VTI1A: variants seen among roughly 807,000 people sequenced by gnomAD.
VTI1A encodes the protein vesicle transport through interaction with t-SNAREs 1A.
Under a neutral mutation model 34.9 loss-of-function variants are expected in VTI1A, and 22 were observed. The observed-to-expected ratio is 0.63, with a 90% CI of 0.45 to 0.90. The LOEUF (loss-of-function observed/expected upper bound fraction) is 0.90. Among genes scored for constraint, VTI1A ranks in the 40% least tolerant of loss-of-function variants. VTI1A has a pLI of 0.00. For missense variants in VTI1A, 268 were observed against 275.6 expected (o/e 0.97, Z 0.20); for synonymous variants, 87 against 97.3 (o/e 0.89, Z 0.62).
intron 7 of VTI1A, among the ~76,000 whole-genome samples, chr10:112,673,461 T>TGA (rs1554938715): frequency 8.4e-5 from 4 of 47,694 alleles, no homozygotes; most frequent in Non-Finnish European, 1.6e-4. Flanking sequence ...CATGCGCGCG[T>TGA]GCGCGCGCAC....
chr10:112,502,374 C>T (rs1478718153), intron 3 of VTI1A, among the ~76,000 whole-genome samples: 2 of 152,052 alleles, frequency 1.3e-5, no homozygotes, highest in African/African-American at 2.4e-5. Flanking sequence ...TTAACTTATT[C>T]TAGGTAAATT....
At chr10:112,529,970 G>A (rs984688671) in intron 4 of VTI1A, among the ~76,000 whole-genome samples, 1 of 151,950 alleles carries the variant, frequency 6.6e-6, no homozygotes, top group South Asian at 2.1e-4. Flanking sequence ...ATTATAGTCT[G>A]CCAATTAACT....
rs186513440 is a variant in VTI1A, at chr10:112,726,584, G to T, written c.560+57586G>T. ...TTGCAAGTTGAAATTCTTAACTAGG[G>T]TTGCCAGGTAATGAAAAAGTGTTAA... On this transcript the variant is annotated intron_variant, in intron 7 of 7. Transcript: ENST00000393077. Among the ~76,000 whole-genome samples, 40 of 152,184 alleles carry T rather than the reference G, an allele frequency of 2.6e-4. No homozygotes were observed. In the East Asian group the frequency reaches 7.6e-3, roughly 29 times the overall value.
intron 7 of VTI1A, 151 bp from the exon 8 acceptor site, chr10:112,815,139 G>GCGCGCACACA (rs879013051): frequency 9.4e-4 from 170 of 180,922 alleles, no homozygotes; most frequent in Non-Finnish European, 1.2e-3. Flanking sequence ...TTTCGCGCGC[G>GCGCGCACACA]CACACACACA....
rs189900755 is a variant in VTI1A, at chr10:112,577,165, C to T, written c.427+38835C>T. 3.7e-4 allele frequency among the ~76,000 whole-genome samples: 56 copies of T among 152,240 alleles called. 1 individual carries two copies. Among genetic ancestry groups the T allele is most frequent in the African/African-American group, 1.3e-3 (55 of 41,546 alleles). On this transcript the variant is annotated intron_variant, in intron 5 of 7. Coordinates refer to ENST00000393077, the MANE Select transcript of VTI1A (RefSeq NM_145206.4). ...GGAGAGAGCTCTGATCTTTCTTCCTCTTTTTATAAGGACACTAATCCCATC... is the reference window on the plus strand; with the variant it reads ...GGAGAGAGCTCTGATCTTTCTTCCTTTTTTTATAAGGACACTAATCCCATC...
At chr10:112,628,273 G>A (rs1484958299) in intron 5 of VTI1A, among the ~76,000 whole-genome samples, 1 of 152,130 alleles carries the variant, frequency 6.6e-6, no homozygotes, top group East Asian at 1.9e-4. Context: ...ATGCTGCAAT[G>A]AAATCTTATG....
chr10:112,490,864 C>CCT (rs972567423), intron 3 of VTI1A, among the ~76,000 whole-genome samples: 3 of 152,122 alleles, frequency 2.0e-5, no homozygotes, highest in African/African-American at 7.2e-5. Flanking sequence ...TTCCAGCTTG[C>CCT]CTCTAGCTGC....
At chr10:112,731,726 A>G (rs1322843142) in intron 7 of VTI1A, among the ~76,000 whole-genome samples, 9 of 152,130 alleles carry the variant, frequency 5.9e-5, no homozygotes, top group East Asian at 3.9e-4. Flanking sequence ...AATGACTTCT[A>G]TTTGCCTTTT....
chr10:112,854,272 T>A, the VTI1A span, among the ~76,000 whole-genome samples: 1 of 152,248 alleles, frequency 6.6e-6, no homozygotes, highest in Non-Finnish European at 1.5e-5. Context: ...TATTGCTTCC[T>A]GTCAGGTGGG....
At chr10:112,527,226 C>T in intron 4 of VTI1A, 62 bp downstream of exon 4, 1 of 1,460,318 alleles carries the variant, frequency 6.8e-7, no homozygotes, top group East Asian at 2.3e-5. Flanking sequence ...CACTGGCGCA[C>T]TGGGCTCTCA....
At chr10:112,500,532 C>T (rs940491364) in intron 3 of VTI1A, among the ~76,000 whole-genome samples, 1 of 152,084 alleles carries the variant, frequency 6.6e-6, no homozygotes, top group African/African-American at 2.4e-5. Context: ...CAGGTTTCTA[C>T]AGAAATTCTG....
At chr10:112,821,362 C>G (rs1215459115), downstream of VTI1A, among the ~76,000 whole-genome samples, 1 of 152,194 alleles carries the variant, frequency 6.6e-6, no homozygotes, top group Non-Finnish European at 1.5e-5. Context: ...CAGGTGTGTT[C>G]AGGAGGGGAC....
At chr10:112,491,986 G>T (rs753464528) in intron 3 of VTI1A, among the ~76,000 whole-genome samples, 1 of 152,156 alleles carries the variant, frequency 6.6e-6, no homozygotes, top group Non-Finnish European at 1.5e-5. Context: ...CCCTGCCAGA[G>T]ATTTTAGTTT....
intron 5 of VTI1A, among the ~76,000 whole-genome samples, chr10:112,550,516 G>A (rs1250847955): frequency 1.3e-5 from 2 of 152,056 alleles, no homozygotes; most frequent in Non-Finnish European, 2.9e-5. Context: ...TTTTTTGTGT[G>A]TGCTCTACAT....
chr10:112,721,794 AAAG>A (rs145708824), intron 7 of VTI1A, among the ~76,000 whole-genome samples: 5,481 of 152,280 alleles, frequency 0.036, 338 homozygotes, highest in African/African-American at 0.12. Context: ...GAACCCATAT[AAAG>A]AAGAATTGAT....
chr10:112,805,797 G>T (rs889272336), intron 7 of VTI1A, among the ~76,000 whole-genome samples: 6 of 152,146 alleles, frequency 3.9e-5, no homozygotes, highest in African/African-American at 9.7e-5. Context: ...GAGAGGCATG[G>T]ATCAGACTCT....
At chr10:112,647,612 T>A (rs1846848661) in intron 5 of VTI1A, among the ~76,000 whole-genome samples, 1 of 152,224 alleles carries the variant, frequency 6.6e-6, no homozygotes, top group Non-Finnish European at 1.5e-5. Flanking sequence ...GACTATATTG[T>A]GTTAACTGGT....
chr10:112,467,371 A>T (rs953569277), intron 3 of VTI1A, among the ~76,000 whole-genome samples: 3 of 152,148 alleles, frequency 2.0e-5, no homozygotes, highest in African/African-American at 7.2e-5. Context: ...TAGGCCAGGG[A>T]TGTCCAATTT....
chr10:112,800,240 T>C (rs1852830031), intron 7 of VTI1A, among the ~76,000 whole-genome samples: 1 of 152,144 alleles, frequency 6.6e-6, no homozygotes, highest in Admixed American at 6.5e-5. Flanking sequence ...CCAGAGAAGC[T>C]CACAGAGCTG....
Sources: gnomAD v4.1 joint callset for allele counts (sites outside exome capture counted in the v4.1 genomes callset) on GRCh38, gnomAD v4.1.1 for gene constraint, MANE v1.5 for transcripts, NCBI Gene and HGNC (gene_info 2026-07-23, HGNC 2026-07-21) for gene names.